The following GRAMD1C variants were observed in gnomAD, a reference collection of about 807,000 sequenced individuals.
The protein encoded by GRAMD1C is GRAM domain containing 1C, also known as protein Aster-C.
GRAMD1C carries 89 observed loss-of-function variants against 97.8 expected under a neutral mutation model. The ratio of observed to expected loss-of-function variants is 0.91; its 90% CI spans 0.77 to 1.09. The LOEUF (loss-of-function observed/expected upper bound fraction) is 1.09, where lower values mean the gene tolerates loss of function less well. GRAMD1C is among the 50% of genes least tolerant of loss of function. GRAMD1C has a pLI of 0.00. For missense variants in GRAMD1C, 740 were observed against 766.4 expected (o/e 0.97, Z 0.41); for synonymous variants, 256 against 267.0 (o/e 0.96, Z 0.40).
chr3:113,841,243 A>C (rs2108067048), intron 1 of GRAMD1C, among the ~76,000 whole-genome samples: 1 of 150,866 alleles, frequency 6.6e-6, no homozygotes, highest in African/African-American at 2.4e-5. Context: ...ATGGAGAAGC[A>C]GTAGGGATAA....
chr3:113,835,364 A>C (rs1161582685), upstream of GRAMD1C, among the ~76,000 whole-genome samples: 1 of 152,220 alleles, frequency 6.6e-6, no homozygotes, highest in Non-Finnish European at 1.5e-5. Context: ...TCACTGCAAA[A>C]TATATCAATG....
At chr3:113,839,997 C>T (rs542926563) in intron 1 of GRAMD1C, among the ~76,000 whole-genome samples, 1 of 152,194 alleles carries the variant, frequency 6.6e-6, no homozygotes, top group African/African-American at 2.4e-5. Flanking sequence ...GATGATGCCA[C>T]ACACACACCC....
chr3:113,841,220 A>G (rs960867181), intron 1 of GRAMD1C, among the ~76,000 whole-genome samples: 1 of 151,464 alleles, frequency 6.6e-6, no homozygotes, highest in Non-Finnish European at 1.5e-5. Context: ...AACAGGCCAA[A>G]TTGGGCTGTT....
intron 6 of GRAMD1C, among the ~76,000 whole-genome samples, chr3:113,884,491 C>T (rs963331348): frequency 2.0e-5 from 3 of 152,110 alleles, no homozygotes; most frequent in Non-Finnish European, 4.4e-5. Context: ...CTGTAAACAT[C>T]TATATTAAAA....
At chr3:113,921,176 C>A (rs941165523) in intron 10 of GRAMD1C, among the ~76,000 whole-genome samples, 12 of 152,148 alleles carry the variant, frequency 7.9e-5, no homozygotes, top group African/African-American at 2.9e-4. Flanking sequence ...GTTTTCTGTT[C>A]CTGCAGTAGT....
intron 2 of GRAMD1C, among the ~76,000 whole-genome samples, chr3:113,849,435 C>A (rs1026062167): frequency 5.3e-5 from 8 of 151,632 alleles, no homozygotes; most frequent in African/African-American, 1.9e-4. Context: ...GGCAGAGGAC[C>A]CTGCAGCCTT....
intron 6 of GRAMD1C, among the ~76,000 whole-genome samples, chr3:113,894,876 C>A (rs913799903): frequency 7.2e-5 from 11 of 152,124 alleles, no homozygotes; most frequent in Non-Finnish European, 7.4e-5. Flanking sequence ...AATTCTGATA[C>A]ATGTTACTCT....
chr3:113,923,897 C>G (rs908650631), intron 10 of GRAMD1C, among the ~76,000 whole-genome samples: 1 of 152,038 alleles, frequency 6.6e-6, no homozygotes, highest in African/African-American at 2.4e-5. Flanking sequence ...GGCTGTGAAT[C>G]CATCGGGTCC....
chr3:113,844,635 G>C lies in GRAMD1C; in HGVS notation c.160G>C (p.Asp54His). 1 of 1,584,638 alleles carries C rather than the reference G, an allele frequency of 6.3e-7. No homozygotes were observed. The highest frequency in any genetic ancestry group is 8.5e-7 in the Non-Finnish European group (1 of 1,169,732). ...QGPNLHNWSG[D>H]WSFWISSSTY... Reference sequence around the variant, plus strand: ...GCCAAATTTACATAATTGGAGTGGTGACTGGAGCTTTTGGGTAATTTCTTT... The same window carrying C: ...GCCAAATTTACATAATTGGAGTGGTCACTGGAGCTTTTGGGTAATTTCTTT... The change falls in exon 2 of 18, where the codon GAC becomes CAC. Residue 54 changes from aspartate to histidine, a missense_variant. Physicochemically the swap from Asp to His is moderately conservative, Grantham distance 81. Transcript: ENST00000358160.
chr3:113,940,287 A>G lies in GRAMD1C; in HGVS notation c.1850A>G (p.Lys617Arg). The G allele has an allele frequency of 6.2e-7, 1 of 1,612,166 alleles. No individual in the cohort carries two copies. The highest frequency in any genetic ancestry group is 8.5e-7 in the Non-Finnish European group (1 of 1,178,154). Reference sequence around the variant, plus strand: ...AGAGCAGAAACTATTCAGAAGAATAAAGATCAGGCCCATCGTTTAAAGGGA... The same window carrying G: ...AGAGCAGAAACTATTCAGAAGAATAGAGATCAGGCCCATCGTTTAAAGGGA... ...VSRAETIQKN[K>R]DQAHRLKGVL... The change falls in exon 17 of 18, where the codon AAA (lysine) becomes AGA (arginine). Residue 617 changes from lysine to arginine, a missense_variant. Lys to Arg is a conservative substitution (Grantham distance 26, BLOSUM62 2). Transcript: ENST00000358160.
chr3:113,923,806 G>C (rs1452763364), intron 10 of GRAMD1C, among the ~76,000 whole-genome samples: 1 of 152,142 alleles, frequency 6.6e-6, no homozygotes, highest in African/African-American at 2.4e-5. Flanking sequence ...ATGAGTTAGG[G>C]AGAAGTTCTT....
intron 2 of GRAMD1C, among the ~76,000 whole-genome samples, chr3:113,865,084 C>T (rs1246063471): frequency 6.6e-6 from 1 of 152,124 alleles, no homozygotes; most frequent in South Asian, 2.1e-4. Context: ...TCTCATGTTG[C>T]ATCATAATAT....
intron 2 of GRAMD1C, among the ~76,000 whole-genome samples, chr3:113,859,887 A>G (rs947587174): frequency 6.6e-6 from 1 of 152,236 alleles, no homozygotes; most frequent in African/African-American, 2.4e-5. Context: ...CACTTCCCAG[A>G]TTATTCTGTG....
upstream of GRAMD1C, among the ~76,000 whole-genome samples, chr3:113,838,065 C>T (rs547132569): frequency 6.6e-6 from 1 of 152,162 alleles, no homozygotes; most frequent in Non-Finnish European, 1.5e-5. Context: ...GACTTAAGGT[C>T]TGTGTTGATG....
chr3:113,848,015 A>G (rs1933691425), intron 2 of GRAMD1C, among the ~76,000 whole-genome samples: 1 of 152,228 alleles, frequency 6.6e-6, no homozygotes, highest in Non-Finnish European at 1.5e-5. Context: ...TAACTTTAAA[A>G]AGTATTGGTA....
chr3:113,934,756 T>G (rs910368980), intron 13 of GRAMD1C, among the ~76,000 whole-genome samples: 1 of 152,208 alleles, frequency 6.6e-6, no homozygotes, highest in Non-Finnish European at 1.5e-5. Flanking sequence ...ATTTTTTATT[T>G]TTTTTGAGAT....
rs139663674 is a variant in GRAMD1C at position 113,871,596 on chromosome 3, T to G, written c.259+2005T>G. Reference sequence around the variant, plus strand: ...CTGTTTCTACAAAAAATACAAAAAATTAGCCAGGTGTGGTGGTGGATGCCT... The same window carrying G: ...CTGTTTCTACAAAAAATACAAAAAAGTAGCCAGGTGTGGTGGTGGATGCCT... On this transcript the variant is annotated intron_variant, in intron 3 of 17. Transcript: ENST00000358160. Among the ~76,000 whole-genome samples the G allele has an allele frequency of 5.9e-5, 9 of 151,754 alleles. No individual in the cohort carries two copies. The East Asian group carries it at 1.7e-3, about 29-fold the overall frequency.
At chr3:113,923,810 A>T (rs1937143829) in intron 10 of GRAMD1C, among the ~76,000 whole-genome samples, 1 of 152,150 alleles carries the variant, frequency 6.6e-6, no homozygotes, top group Non-Finnish European at 1.5e-5. Flanking sequence ...GTTAGGGAGA[A>T]GTTCTTCCTC....
rs1339411281 is a variant in GRAMD1C at position 113,877,134 on chromosome 3, A to G, written c.459+874A>G. ...GTAGCTGGGACTTCTGGTGTGCACC[A>G]CTGAGCCTGGCTATTTTTATTTTTA... On this transcript the variant is annotated intron_variant, in intron 5 of 17. Transcript: ENST00000358160. Among the ~76,000 whole-genome samples, 3 of 152,168 alleles carry G rather than the reference A, an allele frequency of 2.0e-5. No homozygotes were observed. The East Asian group carries it at 5.8e-4, about 29-fold the overall frequency.
Sources: allele counts gnomAD v4.1 joint callset (sites outside exome capture counted in the v4.1 genomes callset), GRCh38; gene constraint gnomAD v4.1.1; transcripts MANE v1.5; gene names NCBI Gene and HGNC (gene_info 2026-07-23, HGNC 2026-07-21).